Variants in XXYLT1 observed in about 807,000 individuals in gnomAD.
The protein encoded by XXYLT1 is UDP-xylose:alpha-xyloside alpha-1,3-xylosyltransferase.
In XXYLT1, 20 loss-of-function variants were observed where a neutral mutation model predicts 28.9. The ratio of observed to expected loss-of-function variants is 0.69; its 90% CI spans 0.49 to 1.00. XXYLT1 has a LOEUF of 1.00. Among genes scored for constraint, XXYLT1 ranks in the 50% least tolerant of loss-of-function variants. XXYLT1 has a pLI of 0.00. For missense variants in XXYLT1, 542 were observed against 560.1 expected (o/e 0.97, Z 0.33); for synonymous variants, 257 against 253.8 (o/e 1.01, Z -0.12).
rs80172104 is a variant in XXYLT1 at position 195,258,250 on chromosome 3, T to C, written c.504+12305A>G. 7.4e-3 allele frequency among the ~76,000 whole-genome samples: 1,120 copies of C among 152,154 alleles called. 3 individuals carry two copies. The highest frequency in any genetic ancestry group is 0.013 in the Non-Finnish European group (907 of 67,982). On this transcript the variant is annotated intron_variant, in intron 1 of 3. Coordinates refer to ENST00000310380, the MANE Select transcript of XXYLT1 (RefSeq NM_152531.5). ...CTAGAGACCCCACTCAGGGGGATAG[T>C]GTGGCAGCCAGGCATAGGAGCAGGC...
rs1577115949 is a variant in XXYLT1, at chr3:195,180,604, C to T, written c.653-24023G>A. The T allele has an allele frequency of 3.1e-6, 3 of 971,356 alleles. No homozygotes were observed. Among genetic ancestry groups the T allele is most frequent in the Non-Finnish European group, 2.4e-6 (2 of 817,194 alleles). 60.2% of individuals were successfully genotyped at this position (971,356 alleles called of 1,614,324 possible). A position where few individuals can be genotyped will look rare whatever the true frequency, so the allele number is the denominator to read the frequency against. On this transcript the variant is annotated intron_variant, in intron 2 of 3. Coordinates refer to ENST00000310380, the MANE Select transcript of XXYLT1 (RefSeq NM_152531.5). This position sits in a 1 kb window ranked among gnomAD's most constrained non-coding sequence, Gnocchi z 5.8. ...CAGCCCTCTCCAGAGCGTGATGTGGCCCCGTCTGGCTAAGAGCACCAGACG... is the reference window on the plus strand; with the variant it reads ...CAGCCCTCTCCAGAGCGTGATGTGGTCCCGTCTGGCTAAGAGCACCAGACG...
rs57039114 is a variant in XXYLT1 at position 195,192,427 on chromosome 3, GA to G, written c.652+34281del. On this transcript the variant is annotated intron_variant, in intron 2 of 3. Coordinates refer to ENST00000310380, the MANE Select transcript of XXYLT1 (RefSeq NM_152531.5). ...GTAACCAAGTGAGACTCTGTCTCAA[GA>G]AAAAAAAAAAAATTAAACAATTTAT... 7.5e-3 allele frequency among the ~76,000 whole-genome samples: 990 copies of G among 132,322 alleles called. 9 individuals carry two copies. Among genetic ancestry groups the G allele is most frequent in the South Asian group, 0.012 (49 of 4,228 alleles). 86.8% of individuals were successfully genotyped at this position (132,322 alleles called of 152,430 possible).
At chr3:195,182,437 T>C (rs902931637) in intron 2 of XXYLT1, among the ~76,000 whole-genome samples, 3 of 152,300 alleles carry the variant, frequency 2.0e-5, no homozygotes, top group African/African-American at 4.8e-5. Flanking sequence ...AACATCTCCA[T>C]CCTAAAGGTT....
chr3:195,107,631 AGGG>A (rs1560098460), intron 3 of XXYLT1, among the ~76,000 whole-genome samples: 14 of 10,398 alleles, frequency 1.3e-3, no homozygotes, highest in African/African-American at 3.6e-3. Context: ...GGGGAGGAGG[AGGG>A]GGAGGAGGAG....
chr3:195,155,371 G>A (rs1287939163), intron 3 of XXYLT1, among the ~76,000 whole-genome samples: 1 of 152,156 alleles, frequency 6.6e-6, no homozygotes, highest in Non-Finnish European at 1.5e-5. Context: ...GCATGCCTGC[G>A]GGACAGCAAA....
chr3:195,167,144 G>A (rs977200445), intron 2 of XXYLT1, among the ~76,000 whole-genome samples: 8 of 152,212 alleles, frequency 5.3e-5, no homozygotes, highest in African/African-American at 1.9e-4. Flanking sequence ...TCACTGTGAC[G>A]TTAACTTTGA....
rs1718517008 is a variant in XXYLT1 at position 195,124,499 on chromosome 3, G to C, written c.785+31950C>G. 6.6e-6 allele frequency among the ~76,000 whole-genome samples: 1 copy of C among 152,184 alleles called. No individual in the cohort carries two copies. Among genetic ancestry groups the C allele is most frequent in the African/African-American group, 2.4e-5 (1 of 41,434 alleles). ...GTTTTCCCCTGATAATTTGTCTAGT[G>C]TTTCTAGGCCTCCCCCTCTAGACTG... On this transcript the variant is annotated intron_variant, in intron 3 of 3. Coordinates refer to ENST00000310380, the MANE Select transcript of XXYLT1 (RefSeq NM_152531.5). The surrounding 1 kb of genome is among the most constrained non-coding windows in gnomAD (Gnocchi z 4.1).
At chr3:195,214,247 C>T (rs894741510) in intron 2 of XXYLT1, among the ~76,000 whole-genome samples, 18 of 152,142 alleles carry the variant, frequency 1.2e-4, no homozygotes, top group Non-Finnish European at 2.4e-4. Context: ...AGGAAAGCCC[C>T]CTCTGTGCAT....
In XXYLT1 at chr3:195,168,116, G is replaced by A. The variant is rs115041812; in HGVS notation, c.653-11535C>T. Among the ~76,000 whole-genome samples, 428 of 152,290 alleles carry A rather than the reference G, an allele frequency of 2.8e-3. 3 individuals carry two copies. The highest frequency in any genetic ancestry group is 9.3e-3 in the African/African-American group (385 of 41,552). ...GTAGGTAGGGCCCTGGGATAGAGCC[G>A]TGGCTCACCGGCCTGGCTATGGCAC... On this transcript the variant is annotated intron_variant, in intron 2 of 3. Transcript: ENST00000310380. The surrounding 1 kb of genome is among the most constrained non-coding windows in gnomAD (Gnocchi z 4.3).
chr3:195,126,707 T>C (rs1223512129), intron 3 of XXYLT1, among the ~76,000 whole-genome samples: 1 of 152,206 alleles, frequency 6.6e-6, no homozygotes, highest in Non-Finnish European at 1.5e-5. Context: ...TTCTTTCAAT[T>C]TGATCCCAAC....
rs1342030395 is a variant in XXYLT1, at chr3:195,209,257, G to A, written c.652+17452C>T. 6.6e-6 allele frequency: 1 copy of A among 152,290 alleles called. No homozygotes were observed. Among genetic ancestry groups the A allele is most frequent in the African/African-American group, 2.4e-5 (1 of 41,440 alleles). 9.4% of individuals were successfully genotyped at this position (152,290 alleles called of 1,614,324 possible). A position where few individuals can be genotyped will look rare whatever the true frequency, so the allele number is the denominator to read the frequency against. ...AAAAGCCAAGGGTTAAGGCAGAGGA[G>A]ACCTACGCCAGGTCCCCGGAGACAA... On this transcript the variant is annotated intron_variant, in intron 2 of 3. Coordinates refer to ENST00000310380, the MANE Select transcript of XXYLT1 (RefSeq NM_152531.5). The surrounding 1 kb of genome is among the most constrained non-coding windows in gnomAD (Gnocchi z 5.0).
intron 3 of XXYLT1, among the ~76,000 whole-genome samples, chr3:195,098,670 C>T (rs376322022): frequency 9.2e-5 from 14 of 152,358 alleles, no homozygotes; most frequent in Admixed American, 2.0e-4. Flanking sequence ...GTCAAGGTCT[C>T]GGGAGCCCTC....
At chr3:195,107,240 G>A (rs139589843) in intron 3 of XXYLT1, among the ~76,000 whole-genome samples, 3,208 of 151,908 alleles carry the variant, frequency 0.021, 107 homozygotes, top group African/African-American at 0.072. Context: ...TTTGGAGGCC[G>A]AGGCGGGCGG....
chr3:195,228,637 CGCCA>C (rs1285502758), intron 1 of XXYLT1, among the ~76,000 whole-genome samples: 3 of 151,552 alleles, frequency 2.0e-5, no homozygotes, highest in Admixed American at 1.3e-4. Context: ...TACAGACGCC[CGCCA>C]CCACCCCCAG....
intron 3 of XXYLT1, among the ~76,000 whole-genome samples, chr3:195,109,949 C>A (rs1717424150): frequency 5.0e-5 from 1 of 19,866 alleles, no homozygotes; most frequent in South Asian, 1.6e-3. Flanking sequence ...TATGAGTGTG[C>A]GTGCATGTGT....
chr3:195,110,535 GCGT>G (rs1717584059), intron 3 of XXYLT1, among the ~76,000 whole-genome samples: 1 of 53,920 alleles, frequency 1.9e-5, no homozygotes, highest in Non-Finnish European at 3.9e-5. Context: ...GTGTACGTGT[GCGT>G]GTGTGTGGTG....
Position 195,077,260 on chromosome 3 carries a change from C to A in XXYLT1, c.786-7149G>T, listed in dbSNP as rs1325553243. Among the ~76,000 whole-genome samples, 1 of 152,178 alleles carries A rather than the reference C, an allele frequency of 6.6e-6. No individual in the cohort carries two copies. The highest frequency in any genetic ancestry group is 1.5e-5 in the Non-Finnish European group (1 of 68,018). ...GTAGGGGGCGGCACGGGGACCCCAG[C>A]AGAGAGATGTCCAAAAGCTCCCCCT... On this transcript the variant is annotated intron_variant, in intron 3 of 3. Transcript: ENST00000310380. This position sits in a 1 kb window ranked among gnomAD's most constrained non-coding sequence, Gnocchi z 4.8.
At position 195,077,578 on chromosome 3, in the gene XXYLT1, C is replaced by T. The variant is rs1169839526; in HGVS notation, c.786-7467G>A. Among the ~76,000 whole-genome samples, 1 of 152,194 alleles carries T rather than the reference C, an allele frequency of 6.6e-6. No homozygotes were observed. Among genetic ancestry groups the T allele is most frequent in the Non-Finnish European group, 1.5e-5 (1 of 68,026 alleles). ...TAAAGGTGACCCATAGTGTCAGTCT[C>T]GTTCCCAAAGCTGTACCAGCTATGA... On this transcript the variant is annotated intron_variant, in intron 3 of 3. Transcript: ENST00000310380. The surrounding 1 kb of genome is among the most constrained non-coding windows in gnomAD (Gnocchi z 4.8).
intron 2 of XXYLT1, among the ~76,000 whole-genome samples, chr3:195,170,009 G>T (rs1187927395): frequency 6.6e-6 from 1 of 151,016 alleles, no homozygotes; most frequent in African/African-American, 2.4e-5. Context: ...GGGATTTCAT[G>T]CCCGGCTAAT....
Sources: allele counts gnomAD v4.1 joint callset (sites outside exome capture counted in the v4.1 genomes callset), GRCh38; gene constraint gnomAD v4.1.1; non-coding constraint Gnocchi (gnomAD v3.1); transcripts MANE v1.5; gene names NCBI Gene and HGNC (gene_info 2026-07-23, HGNC 2026-07-21).